PRR5L: variants seen among roughly 807,000 people sequenced by gnomAD.
PRR5L encodes proline rich 5 like.
Under a neutral mutation model 36.4 loss-of-function variants are expected in PRR5L, and 21 were observed. The ratio of observed to expected loss-of-function variants is 0.58; its 90% CI spans 0.41 to 0.83. PRR5L has a LOEUF of 0.83. Ranked by LOEUF, PRR5L falls within the 40% of genes least tolerant of loss-of-function variation. The probability of loss-of-function intolerance (pLI) is 0.00; values close to 1 mark genes in which losing one functional copy is unlikely to be tolerated. For missense variants in PRR5L, 381 were observed against 473.3 expected (o/e 0.80, Z 1.81); for synonymous variants, 188 against 197.0 (o/e 0.95, Z 0.38).
intron 1 of PRR5L, among the ~76,000 whole-genome samples, chr11:36,345,344 G>C (rs1266372750): frequency 6.6e-6 from 1 of 152,088 alleles, no homozygotes; most frequent in Non-Finnish European, 1.5e-5. Context: ...TCCTGACAAG[G>C]GGCGGGTAAC....
chr11:36,401,630 C>T (rs537759649), intron 2 of PRR5L, among the ~76,000 whole-genome samples: 2 of 152,238 alleles, frequency 1.3e-5, no homozygotes, highest in African/African-American at 4.8e-5. Context: ...TGGGGTCTCA[C>T]TATACTGCCC....
At chr11:36,449,716 A>G (rs2133622624) in intron 7 of PRR5L, among the ~76,000 whole-genome samples, 1 of 152,248 alleles carries the variant, frequency 6.6e-6, no homozygotes, top group South Asian at 2.1e-4. Context: ...GAGGCCCTGC[A>G]TTTTCATTTT....
At chr11:36,347,158 G>A (rs2133485047) in intron 1 of PRR5L, among the ~76,000 whole-genome samples, 1 of 152,284 alleles carries the variant, frequency 6.6e-6, no homozygotes, top group Admixed American at 6.5e-5. Context: ...ATTGGCAGTA[G>A]GGTGATTATT....
intron 1 of PRR5L, among the ~76,000 whole-genome samples, chr11:36,361,955 G>C (rs2133502220): frequency 6.6e-6 from 1 of 151,826 alleles, no homozygotes; most frequent in South Asian, 2.1e-4. Context: ...AGTGACCTCT[G>C]AGGGTCCTTT....
intron 1 of PRR5L, among the ~76,000 whole-genome samples, chr11:36,350,240 G>A (rs1392973619): frequency 6.7e-6 from 1 of 149,548 alleles, no homozygotes. Flanking sequence ...GGGTATAAGT[G>A]AGTGTGTGTG....
chr11:36,399,014 C>T (rs1163399428), intron 1 of PRR5L, among the ~76,000 whole-genome samples: 2 of 152,202 alleles, frequency 1.3e-5, no homozygotes, highest in Non-Finnish European at 2.9e-5. Flanking sequence ...TGGATCCTGT[C>T]TTAGTAGTGT....
chr11:36,400,982 T>G lies in PRR5L; in HGVS notation c.-125-15T>G, dbSNP rs59943655. The stretch of plus-strand genomic sequence containing the variant: ...AGGCCAGGAGTTCTCAATAAAAGCT[T>G]CCCTCTCTTTTCAGGTGTTGGCTAC... On this transcript the variant is annotated splice_polypyrimidine_tract_variant and intron_variant, in intron 1 of 8. Transcript: ENST00000530639. The G allele has an allele frequency of 0.09, 129,492 of 1,433,928 alleles. 6,311 individuals carry two copies. The highest frequency in any genetic ancestry group is 0.17 in the East Asian group (6,839 of 39,428). 88.8% of individuals were successfully genotyped at this position (1,433,928 alleles called of 1,614,324 possible).
chr11:36,437,277 G>A (rs1392528442), intron 5 of PRR5L, 108 bp from the exon 6 acceptor site: 7 of 822,606 alleles, frequency 8.5e-6, no homozygotes, highest in Non-Finnish European at 1.1e-5. Flanking sequence ...AAGTTTTTTA[G>A]CATGTGCAGC....
chr11:36,396,999 TC>T lies in PRR5L; in HGVS notation c.-125-3997del, dbSNP rs575895035. ...TGGAGAATGAGGCACCAGTCAATGA[TC>T]TGCCACACACTAGCTGTGTGACTTT... On this transcript the variant is annotated intron_variant, in intron 1 of 8. Coordinates refer to ENST00000530639, the MANE Select transcript of PRR5L (RefSeq NM_001160167.2). 3.9e-5 allele frequency among the ~76,000 whole-genome samples: 6 copies of T among 152,230 alleles called. No individual in the cohort carries two copies. In the East Asian group the frequency reaches 1.2e-3, roughly 29 times the overall value.
intron 1 of PRR5L, among the ~76,000 whole-genome samples, chr11:36,395,168 A>T (rs143862453): frequency 6.6e-5 from 10 of 152,316 alleles, no homozygotes; most frequent in Middle Eastern, 3.4e-3. Flanking sequence ...TCTTTACAGT[A>T]ACCACAAAAG....
chr11:36,351,603 A>ATT (rs1491153077), intron 1 of PRR5L, among the ~76,000 whole-genome samples: 1 of 1,490 alleles, frequency 6.7e-4, no homozygotes, highest in Non-Finnish European at 1.2e-3. Flanking sequence ...ATTTATATAA[A>ATT]TATATATTTA....
At chr11:36,405,586 C>T (rs563212990) in intron 3 of PRR5L, among the ~76,000 whole-genome samples, 28 of 152,274 alleles carry the variant, frequency 1.8e-4, no homozygotes, top group African/African-American at 6.0e-4. Context: ...GAAAATCATG[C>T]ATTAGAGAAA....
At chr11:36,435,424 A>T (rs935402451) in intron 5 of PRR5L, among the ~76,000 whole-genome samples, 5 of 152,214 alleles carry the variant, frequency 3.3e-5, no homozygotes, top group African/African-American at 1.2e-4. Flanking sequence ...CTAAGAATAC[A>T]ATCTGCAGCG....
chr11:36,424,315 C>G (rs1858333795), intron 4 of PRR5L, among the ~76,000 whole-genome samples: 1 of 152,146 alleles, frequency 6.6e-6, no homozygotes. Context: ...TCCTTTCAAG[C>G]TCTATGAGGA....
In PRR5L at chr11:36,462,478, G is replaced by A; in HGVS notation, c.849G>A (p.Lys283=). 1 of 1,608,840 alleles carries A rather than the reference G, an allele frequency of 6.2e-7. No individual in the cohort carries two copies. The highest frequency in any genetic ancestry group is 8.5e-7 in the Non-Finnish European group (1 of 1,177,170). The change falls in exon 9 of 9, where the codon AAG becomes AAA. Residue 283 remains lysine (K), a synonymous_variant. Coordinates refer to ENST00000530639, the MANE Select transcript of PRR5L (RefSeq NM_001160167.2). The part of the protein sequence containing the change: ...TEQEGEAYLE[K]CGSVRRHTVA... Reference sequence around the variant, plus strand: ...AGGAGGGGGAAGCCTACCTGGAGAAGTGTGGCAGCGTGCGGCGGCACACGG... The same window carrying A: ...AGGAGGGGGAAGCCTACCTGGAGAAATGTGGCAGCGTGCGGCGGCACACGG...
chr11:36,462,730 C>G lies in PRR5L; in HGVS notation c.1101C>G (p.Leu367=). 1 of 1,545,110 alleles carries G rather than the reference C, an allele frequency of 6.5e-7. No homozygotes were observed. Residue 367 remains leucine (L), a synonymous_variant, in exon 9 of 9, where the codon CTC becomes CTG. Coordinates refer to ENST00000530639, the MANE Select transcript of PRR5L (RefSeq NM_001160167.2). The part of the protein sequence containing the change: ...QEGSELNCAS[L]S ...GCTCGGAGCTGAACTGTGCTTCCCT[C>G]AGCTGAGTCGCCACCCCTGGGCCTT...
At chr11:36,373,122 A>C (rs1857214388) in intron 1 of PRR5L, among the ~76,000 whole-genome samples, 1 of 152,036 alleles carries the variant, frequency 6.6e-6, no homozygotes, top group Non-Finnish European at 1.5e-5. Flanking sequence ...CTTAGTCTTA[A>C]AGGGGGCTGC....
At chr11:36,398,943 T>C (rs992241617) in intron 1 of PRR5L, 3 of 152,256 alleles carry the variant, frequency 2.0e-5, no homozygotes, top group African/African-American at 7.2e-5. Flanking sequence ...AGGGAGTTAA[T>C]ATCCTGTAAT....
chr11:36,366,304 C>T (rs1429317283), intron 1 of PRR5L, among the ~76,000 whole-genome samples: 1 of 152,116 alleles, frequency 6.6e-6, no homozygotes, highest in African/African-American at 2.4e-5. Context: ...AAGTACCTCA[C>T]ATAGTGTCAG....
Sources: allele counts gnomAD v4.1 joint callset (sites outside exome capture counted in the v4.1 genomes callset), GRCh38; gene constraint gnomAD v4.1.1; transcripts MANE v1.5; gene names NCBI Gene and HGNC (gene_info 2026-07-23, HGNC 2026-07-21).